The following KCNB2 variants were observed in gnomAD, a reference collection of about 807,000 sequenced individuals.
KCNB2 encodes delayed rectifier potassium channel protein.
In KCNB2, 15 loss-of-function variants were observed where a neutral mutation model predicts 61.5. The observed-to-expected ratio is 0.24, with a 90% CI of 0.16 to 0.38. The LOEUF (loss-of-function observed/expected upper bound fraction) is 0.38, where lower values mean the gene tolerates loss of function less well. KCNB2 is among the 10% of genes least tolerant of loss of function. KCNB2 has a pLI of 1.00. For synonymous variants in KCNB2, 457 were observed against 446.0 expected (o/e 1.02, Z -0.31); for missense variants, 828 against 1,125.2 (o/e 0.74, Z 3.78).
chr8:72,898,305 G>C (rs918504195), intron 2 of KCNB2, among the ~76,000 whole-genome samples: 2 of 151,976 alleles, frequency 1.3e-5, no homozygotes, highest in African/African-American at 4.8e-5. Flanking sequence ...GGTAGGGGAA[G>C]GGGGGAGGGA....
intron 2 of KCNB2, among the ~76,000 whole-genome samples, chr8:72,719,245 G>C (rs1309281651): frequency 6.6e-6 from 1 of 152,008 alleles, no homozygotes; most frequent in Admixed American, 6.6e-5. Context: ...CATGGTATTA[G>C]CCACATCTAT....
At chr8:72,789,661 G>A (rs1345160085) in intron 2 of KCNB2, among the ~76,000 whole-genome samples, 1 of 152,078 alleles carries the variant, frequency 6.6e-6, no homozygotes, top group East Asian at 1.9e-4. Context: ...AAGACATCAG[G>A]GGACCCTGGA....
intron 2 of KCNB2, among the ~76,000 whole-genome samples, chr8:72,704,194 T>A (rs1807179798): frequency 6.6e-6 from 1 of 152,186 alleles, no homozygotes; most frequent in Admixed American, 6.5e-5. Context: ...ATTGAGCAAA[T>A]AACCTTTTAT....
intron 2 of KCNB2, among the ~76,000 whole-genome samples, chr8:72,798,163 T>C (rs1186235549): frequency 2.0e-5 from 3 of 152,092 alleles, no homozygotes; most frequent in African/African-American, 7.2e-5. Context: ...TTTATGACTT[T>C]TAAGAAAATA....
intron 2 of KCNB2, among the ~76,000 whole-genome samples, chr8:72,690,890 A>G (rs1212263844): frequency 2.0e-5 from 3 of 152,204 alleles, no homozygotes. Context: ...TCACATTTGC[A>G]GAATCCTCTG....
chr8:72,725,529 A>ATGTGTG (rs1554587039), intron 2 of KCNB2, among the ~76,000 whole-genome samples: 45 of 82,422 alleles, frequency 5.5e-4, no homozygotes, highest in African/African-American at 1.9e-3. Context: ...ATATATATAT[A>ATGTGTG]TATATATATA....
chr8:72,859,731 T>C (rs1167522848), intron 2 of KCNB2, among the ~76,000 whole-genome samples: 1 of 141,316 alleles, frequency 7.1e-6, no homozygotes, highest in East Asian at 2.0e-4. Context: ...TTTTTTTTTT[T>C]TTTTTGAGAT....
intron 2 of KCNB2, among the ~76,000 whole-genome samples, chr8:72,612,660 G>T (rs1234441233): frequency 6.6e-6 from 1 of 152,160 alleles, no homozygotes; most frequent in African/African-American, 2.4e-5. Flanking sequence ...CAGGGTCAAA[G>T]TCTAGAACAA....
intron 2 of KCNB2, among the ~76,000 whole-genome samples, chr8:72,749,111 C>T (rs917175896): frequency 2.6e-5 from 4 of 151,952 alleles, no homozygotes; most frequent in South Asian, 2.1e-4. Context: ...CAATCATTTT[C>T]GTTTTCATTT....
intron 2 of KCNB2, among the ~76,000 whole-genome samples, chr8:72,717,349 C>G (rs1228424771): frequency 6.6e-6 from 1 of 152,086 alleles, no homozygotes; most frequent in African/African-American, 2.4e-5. Context: ...GAGCTTGCAT[C>G]GCCAAGTCAA....
At chr8:72,681,377 G>T (rs1349570218) in intron 2 of KCNB2, among the ~76,000 whole-genome samples, 1 of 151,906 alleles carries the variant, frequency 6.6e-6, no homozygotes, top group Non-Finnish European at 1.5e-5. Context: ...TTTTTACTAA[G>T]AACTAAGACA....
chr8:72,618,028 C>T (rs906288777), intron 2 of KCNB2, among the ~76,000 whole-genome samples: 5 of 152,142 alleles, frequency 3.3e-5, no homozygotes, highest in African/African-American at 1.2e-4. Context: ...TGGTGCTGCA[C>T]AGCCTCCCAC....
intron 2 of KCNB2, among the ~76,000 whole-genome samples, chr8:72,816,445 C>G (rs960729424): frequency 6.6e-6 from 1 of 152,148 alleles, no homozygotes; most frequent in South Asian, 2.1e-4. Context: ...TATGTTTTGC[C>G]TGATTTATGC....
Position 72,612,105 on chromosome 8 carries a change from A to G in KCNB2, c.579+43792A>G, listed in dbSNP as rs895423463. Among the ~76,000 whole-genome samples the G allele has an allele frequency of 5.3e-5, 8 of 152,316 alleles. No homozygotes were observed. In the South Asian group the frequency reaches 1.7e-3, roughly 32 times the overall value. On this transcript the variant is annotated intron_variant, in intron 2 of 2. Coordinates refer to ENST00000523207, the MANE Select transcript of KCNB2 (RefSeq NM_004770.3). ...CTCAAGCAGTATATCCCATGCAATCATTATAAGATTTTACTTGAAACTTAC... is the reference window on the plus strand; with the variant it reads ...CTCAAGCAGTATATCCCATGCAATCGTTATAAGATTTTACTTGAAACTTAC...
Position 72,938,123 on chromosome 8 carries a change from C to A in KCNB2, c.*32C>A. 2.0e-6 allele frequency: 3 copies of A among 1,484,922 alleles called. No homozygotes were observed. The highest frequency in any genetic ancestry group is 2.7e-6 in the Non-Finnish European group (3 of 1,096,606). The allele number at this position is 1,484,922 out of a possible 1,614,324, so 92.0% of individuals were successfully genotyped here. On this transcript the variant is annotated 3_prime_UTR_variant, in exon 3 of 3. Transcript: ENST00000523207. ...ACAAAAGCAATAAATTGAAACAAAACAAAACAAAACAAAACTTGTTTCTTA... is the reference window on the plus strand; with the variant it reads ...ACAAAAGCAATAAATTGAAACAAAAAAAAACAAAACAAAACTTGTTTCTTA...
intron 2 of KCNB2, among the ~76,000 whole-genome samples, chr8:72,611,512 A>G (rs1252732443): frequency 6.6e-6 from 1 of 152,158 alleles, no homozygotes; most frequent in African/African-American, 2.4e-5. Context: ...TGTATCTTGC[A>G]ATATGGACTT....
intron 2 of KCNB2, among the ~76,000 whole-genome samples, chr8:72,774,778 A>G (rs1032766603): frequency 3.3e-5 from 5 of 152,140 alleles, no homozygotes; most frequent in African/African-American, 1.2e-4. Flanking sequence ...ACACTGCAAT[A>G]TGTTTAGATC....
intron 2 of KCNB2, among the ~76,000 whole-genome samples, chr8:72,862,715 C>T (rs996973198): frequency 7.9e-5 from 12 of 152,158 alleles, no homozygotes; most frequent in Admixed American, 5.2e-4. Context: ...CAGGTCTCCA[C>T]TCTTGTTCAT....
chr8:72,714,030 C>T (rs61504161), intron 2 of KCNB2, among the ~76,000 whole-genome samples: 14,659 of 152,084 alleles, frequency 0.096, 1,363 homozygotes, highest in East Asian at 0.52. Context: ...CCTCAGTAAC[C>T]GATGCAATCA....
Sources: allele counts gnomAD v4.1 joint callset (sites outside exome capture counted in the v4.1 genomes callset), GRCh38; gene constraint gnomAD v4.1.1; transcripts MANE v1.5; gene names NCBI Gene and HGNC (gene_info 2026-07-23, HGNC 2026-07-21).